Variants in CALHM4 observed in about 807,000 individuals in gnomAD.
The protein encoded by CALHM4 is calcium homeostasis modulator protein 4.
CALHM4 carries 16 observed loss-of-function variants against 13.3 expected under a neutral mutation model. The observed-to-expected ratio is 1.20, with a 90% CI of 0.81 to 1.82. The LOEUF is 1.82. Ranked by LOEUF, CALHM4 falls within the 40% of genes most tolerant of loss-of-function variation. The pLI, the probability that CALHM4 is intolerant of heterozygous loss-of-function variation, is 0.00. For missense variants in CALHM4, 344 were observed against 374.9 expected (o/e 0.92, Z 0.68); for synonymous variants, 127 against 137.1 (o/e 0.93, Z 0.52).
At chr6:116,543,455 G>GTCA in intron 1 of CALHM4, 5 of 1,356,578 alleles carry the variant, frequency 3.7e-6, no homozygotes, top group Non-Finnish European at 5.0e-6. Flanking sequence ...GTATACTACT[G>GTCA]TATTTCTTTT....
intron 2 of CALHM4, among the ~76,000 whole-genome samples, chr6:116,545,122 C>T (rs9374610): frequency 0.66 from 99,392 of 150,040 alleles, 33,185 homozygotes; most frequent in East Asian, 0.89. Flanking sequence ...TATATACATA[C>T]ATACATATAT....
At chr6:116,557,760 T>C (rs1201026974) in intron 1 of CALHM4, 65 bp from the exon 2 acceptor site, 10 of 1,536,554 alleles carry the variant, frequency 6.5e-6, no homozygotes, top group Non-Finnish European at 8.8e-6. Context: ...CCCCCTCCCA[T>C]GGCTGTTGCT....
chr6:116,538,199 A>G (rs986657206), intron 1 of CALHM4, among the ~76,000 whole-genome samples: 2 of 152,176 alleles, frequency 1.3e-5, no homozygotes, highest in African/African-American at 4.8e-5. Context: ...AGTGATTTGG[A>G]TGTTGCCCTC....
chr6:116,535,821 G>GA (rs1773043621), intron 1 of CALHM4, among the ~76,000 whole-genome samples: 2 of 152,208 alleles, frequency 1.3e-5, no homozygotes, highest in East Asian at 3.9e-4. Context: ...TTAGTTTGTG[G>GA]AAAAAACACT....
At chr6:116,538,724 A>ATCTT in intron 1 of CALHM4, among the ~76,000 whole-genome samples, 1 of 151,194 alleles carries the variant, frequency 6.6e-6, no homozygotes, top group South Asian at 2.1e-4. Flanking sequence ...AAAGTCTTAA[A>ATCTT]TCTTTCTTTC....
At chr6:116,554,713 T>C (rs955925101) in intron 1 of CALHM4, among the ~76,000 whole-genome samples, 1 of 152,232 alleles carries the variant, frequency 6.6e-6, no homozygotes, top group Non-Finnish European at 1.5e-5. Context: ...TTAGATGTTA[T>C]GAATATTATT....
At position 116,559,415 on chromosome 6, in the gene CALHM4, T is replaced by G. The variant is rs1207912409; in HGVS notation, c.*1204T>G. On this transcript the variant is annotated 3_prime_UTR_variant, in exon 2 of 2. Transcript: ENST00000368596. Reference sequence around the variant, plus strand: ...CTATACTATCTAAAATGCAATCAATTACTTGGTAATCTACTTTTACACAAT... The same window carrying G: ...CTATACTATCTAAAATGCAATCAATGACTTGGTAATCTACTTTTACACAAT... 6.6e-6 allele frequency among the ~76,000 whole-genome samples: 1 copy of G among 152,228 alleles called. No homozygotes were observed. Among genetic ancestry groups the G allele is most frequent in the Non-Finnish European group, 1.5e-5 (1 of 68,038 alleles).
chr6:116,551,560 G>A (rs907679817), upstream of CALHM4, among the ~76,000 whole-genome samples: 46 of 147,480 alleles, frequency 3.1e-4, no homozygotes, highest in African/African-American at 1.1e-3. Context: ...TTTTTTTTTT[G>A]CTGAGTAGTA....
intron 2 of CALHM4, chr6:116,543,884 T>C (rs1262528893): frequency 2.0e-6 from 3 of 1,525,072 alleles, no homozygotes; most frequent in Admixed American, 4.0e-5. Context: ...TGAGTTTCTT[T>C]TCTTTTTACT....
rs1474438968 is a variant in CALHM4 at position 116,559,504 on chromosome 6, T to A, written c.*1293T>A. Among the ~76,000 whole-genome samples, 1 of 152,144 alleles carries A rather than the reference T, an allele frequency of 6.6e-6. No individual in the cohort carries two copies. The highest frequency in any genetic ancestry group is 1.5e-5 in the Non-Finnish European group (1 of 67,998). On this transcript the variant is annotated 3_prime_UTR_variant, in exon 2 of 2. Coordinates refer to ENST00000368596, the MANE Select transcript of CALHM4 (RefSeq NM_001366078.2). ...GAACTTAATAGGAAGAAGCAGAAAATGAATTTTTAAGAAATCAAAATGTTT... is the reference window on the plus strand; with the variant it reads ...GAACTTAATAGGAAGAAGCAGAAAAAGAATTTTTAAGAAATCAAAATGTTT...
At chr6:116,538,545 A>G (rs1413009589) in intron 1 of CALHM4, among the ~76,000 whole-genome samples, 1 of 152,224 alleles carries the variant, frequency 6.6e-6, no homozygotes, top group Non-Finnish European at 1.5e-5. Flanking sequence ...TTTGCTAGTT[A>G]TGCTAACATA....
chr6:116,541,105 T>C (rs926947361), intron 1 of CALHM4, among the ~76,000 whole-genome samples: 1 of 151,638 alleles, frequency 6.6e-6, no homozygotes, highest in African/African-American at 2.4e-5. Flanking sequence ...CCCGAGAAAA[T>C]AGCTCTAGTA....
chr6:116,541,149 G>C (rs1027761528), intron 1 of CALHM4, among the ~76,000 whole-genome samples: 1 of 151,874 alleles, frequency 6.6e-6, no homozygotes, highest in Admixed American at 6.6e-5. Context: ...ACCTTCGATT[G>C]AGATGTGATT....
upstream of CALHM4, among the ~76,000 whole-genome samples, chr6:116,552,952 T>A (rs551247684): frequency 6.6e-6 from 1 of 152,082 alleles, no homozygotes; most frequent in African/African-American, 2.4e-5. Context: ...CGGGCGCCTG[T>A]AGTCCCAGCT....
intron 1 of CALHM4, 98 bp downstream of exon 1, chr6:116,554,449 T>A: frequency 9.6e-7 from 1 of 1,045,372 alleles, no homozygotes; most frequent in Non-Finnish European, 1.3e-6. Flanking sequence ...TATTCTCTGA[T>A]TATAGAACAC....
At chr6:116,533,030 C>T (rs1772838712) in intron 1 of CALHM4, among the ~76,000 whole-genome samples, 1 of 152,212 alleles carries the variant, frequency 6.6e-6, no homozygotes, top group Non-Finnish European at 1.5e-5. Flanking sequence ...GGCTTTAAGT[C>T]TAAGCCCCCA....
intron 2 of CALHM4, among the ~76,000 whole-genome samples, chr6:116,544,878 A>G (rs1245286629): frequency 6.6e-6 from 1 of 152,100 alleles, no homozygotes; most frequent in African/African-American, 2.4e-5. Flanking sequence ...GAGTTTTTGT[A>G]TCTGTAGTAT....
chr6:116,545,479 A>G (rs956232603), intron 2 of CALHM4: 1 of 1,546,602 alleles, frequency 6.5e-7, no homozygotes, highest in South Asian at 1.2e-5. Context: ...TTACTATTTT[A>G]TGGTATTCTG....
At chr6:116,543,626 C>T (rs911304095) in intron 1 of CALHM4, 23 of 645,900 alleles carry the variant, frequency 3.6e-5, no homozygotes, top group African/African-American at 1.3e-4. Context: ...AAATGAATTT[C>T]GTAACATGAT....
Sources: gnomAD v4.1 joint callset for allele counts (sites outside exome capture counted in the v4.1 genomes callset) on GRCh38, gnomAD v4.1.1 for gene constraint, MANE v1.5 for transcripts, NCBI Gene and HGNC (gene_info 2026-07-23, HGNC 2026-07-21) for gene names.